Variants in ASTN1 observed in about 807,000 individuals in gnomAD.
ASTN1 encodes astrotactin 1.
ASTN1 carries 41 observed loss-of-function variants against 140.7 expected under a neutral mutation model. The observed-to-expected ratio is 0.29, with a 90% confidence interval of 0.23 to 0.38. The LOEUF is 0.38. Ranked by LOEUF, ASTN1 falls within the 10% of genes least tolerant of loss-of-function variation. The pLI, the probability that ASTN1 is intolerant of heterozygous loss-of-function variation, is 1.00. For synonymous variants in ASTN1, 640 were observed against 652.2 expected, an observed-to-expected ratio of 0.98 and a Z score of 0.29; for missense variants, 1,479 against 1,678.8, an observed-to-expected ratio of 0.88 and a Z score of 2.08.
intron 15 of ASTN1, among the ~76,000 whole-genome samples, chr1:176,935,532 A>G (rs1305304633): frequency 6.6e-6 from 1 of 152,150 alleles, no homozygotes; most frequent in Non-Finnish European, 1.5e-5. Flanking sequence ...AAAATGTGCT[A>G]TATCCTCAAT....
At chr1:176,858,374 A>G (rs186403503), downstream of ASTN1, among the ~76,000 whole-genome samples, 176 of 152,346 alleles carry the variant, frequency 1.2e-3, 1 homozygote, top group African/African-American at 3.9e-3. Context: ...ACAATAAAAT[A>G]GGAGTTGCTG....
chr1:176,863,594 C>T lies in ASTN1; in HGVS notation c.*690G>A. The T allele has an allele frequency of 8.1e-6, 8 of 985,494 alleles. No individual in the cohort carries two copies. The South Asian group carries it at 3.3e-4, about 41-fold the overall frequency. The allele number at this position is 985,494 out of a possible 1,614,324, so 61.0% of individuals were successfully genotyped here. A position where few individuals can be genotyped will look rare whatever the true frequency, so the allele number is the denominator to read the frequency against. ...GTTGTTCAGAGGAAGGGACAGAGAT[C>T]TGACAGAGGGAGATTTAATCCCAGT... On this transcript the variant is annotated 3_prime_UTR_variant, in exon 23 of 23. Transcript: ENST00000361833.
At chr1:177,105,442 T>C (rs1187023485) in intron 1 of ASTN1, among the ~76,000 whole-genome samples, 1 of 152,104 alleles carries the variant, frequency 6.6e-6, no homozygotes, top group African/African-American at 2.4e-5. Flanking sequence ...TAAAGAATCA[T>C]GGCCCACTGT....
chr1:177,041,487 C>A lies in ASTN1; in HGVS notation c.472-8638G>T, dbSNP rs919923046. Among the ~76,000 whole-genome samples the A allele has an allele frequency of 7.2e-4, 109 of 152,330 alleles. 1 individual carries two copies. The highest frequency in any genetic ancestry group is 7.3e-5 in the Non-Finnish European group (5 of 68,032). On this transcript the variant is annotated intron_variant, in intron 2 of 22. Coordinates refer to ENST00000361833, the MANE Select transcript of ASTN1 (RefSeq NM_004319.3). Reference sequence around the variant, plus strand: ...CATGGGCAGAGCTGCATGAGACAGGCTCCCTCCATGGGCTGTGGGCACCAG... The same window carrying A: ...CATGGGCAGAGCTGCATGAGACAGGATCCCTCCATGGGCTGTGGGCACCAG...
intron 2 of ASTN1, among the ~76,000 whole-genome samples, chr1:177,040,268 G>T (rs1676911243): frequency 6.6e-6 from 1 of 152,204 alleles, no homozygotes; most frequent in African/African-American, 2.4e-5. Flanking sequence ...GTGTGGAAAG[G>T]CTTTCCAGTT....
At chr1:177,042,890 GT>G (rs1336090673) in intron 2 of ASTN1, among the ~76,000 whole-genome samples, 1 of 152,180 alleles carries the variant, frequency 6.6e-6, no homozygotes, top group Non-Finnish European at 1.5e-5. Flanking sequence ...AACTCTCAAG[GT>G]TATGCAAGTG....
At chr1:177,076,620 C>T (rs557943399) in intron 1 of ASTN1, among the ~76,000 whole-genome samples, 1 of 151,844 alleles carries the variant, frequency 6.6e-6, no homozygotes, top group Admixed American at 6.6e-5. Context: ...CTCCCAGGTT[C>T]CAGTGATTCT....
chr1:177,011,785 AG>A (rs1220534794), intron 8 of ASTN1, among the ~76,000 whole-genome samples: 1 of 152,036 alleles, frequency 6.6e-6, no homozygotes, highest in African/African-American at 2.4e-5. Flanking sequence ...AACTAGAAGG[AG>A]GCAGAGGCTG....
chr1:177,059,715 A>G (rs892776044), intron 2 of ASTN1, among the ~76,000 whole-genome samples: 3 of 152,206 alleles, frequency 2.0e-5, no homozygotes, highest in African/African-American at 7.2e-5. Context: ...GAGATTTTCC[A>G]TCTTTGGATA....
At chr1:177,073,093 A>G (rs1171520139) in intron 1 of ASTN1, among the ~76,000 whole-genome samples, 2 of 152,184 alleles carry the variant, frequency 1.3e-5, no homozygotes, top group Non-Finnish European at 2.9e-5. Flanking sequence ...AAATCAGGAC[A>G]CAAAGACAGA....
chr1:176,946,373 T>C (rs556265826), intron 12 of ASTN1, among the ~76,000 whole-genome samples: 1 of 152,130 alleles, frequency 6.6e-6, no homozygotes, highest in African/African-American at 2.4e-5. Context: ...AACTTTAGAG[T>C]AGCCTCTCCT....
intron 9 of ASTN1, among the ~76,000 whole-genome samples, chr1:176,960,150 A>G (rs1183658646): frequency 6.6e-6 from 1 of 152,176 alleles, no homozygotes; most frequent in African/African-American, 2.4e-5. Context: ...ACTTAAGGAT[A>G]ATGTAGGTTG....
chr1:177,061,151 C>G lies in ASTN1; in HGVS notation c.398G>C (p.Gly133Ala), dbSNP rs1558066705. Residue 133 changes from glycine (G) to alanine (A), a missense_variant, in exon 2 of 23, where the codon GGA becomes GCA. Physicochemically the swap from Gly to Ala is moderately conservative, Grantham distance 60. Coordinates refer to ENST00000361833, the MANE Select transcript of ASTN1 (RefSeq NM_004319.3). ...TTGGGGTTCTTCAGTGGGGTCTTGT[C>G]CAGGAAGGCTTGGGGCACCATCTTG... ...HHQDGAPSLP[G>A]QDPTEEPQHE... is the part of the protein sequence containing the mutation. 2 of 1,611,846 alleles carry G rather than the reference C, an allele frequency of 1.2e-6. No individual in the cohort carries two copies. The highest frequency in any genetic ancestry group is 1.7e-6 in the Non-Finnish European group (2 of 1,179,086).
intron 8 of ASTN1, among the ~76,000 whole-genome samples, chr1:177,002,791 G>A (rs772220062): frequency 6.6e-6 from 1 of 151,862 alleles, no homozygotes; most frequent in African/African-American, 2.4e-5. Flanking sequence ...AGAAATTGTA[G>A]GTGAAATAAA....
intron 9 of ASTN1, among the ~76,000 whole-genome samples, chr1:176,963,000 T>C (rs1011884277): frequency 6.6e-6 from 1 of 152,160 alleles, no homozygotes; most frequent in African/African-American, 2.4e-5. Flanking sequence ...ACTGGTAGCA[T>C]TTATATTACG....
chr1:177,121,442 C>T (rs1429387692), intron 1 of ASTN1, among the ~76,000 whole-genome samples: 2 of 152,038 alleles, frequency 1.3e-5, no homozygotes, highest in Admixed American at 1.3e-4. Context: ...ACTATCAGTT[C>T]TGCTCCTTGA....
At position 176,921,285 on chromosome 1, in the gene ASTN1, A is replaced by G. The variant is rs560667906; in HGVS notation, c.2671+12867T>C. ...ACTTTCAAAGAGTTCCATGAGATTC[A>G]GGGAAACCTTGTCTCTGACAACAGA... On this transcript the variant is annotated intron_variant, in intron 16 of 22. Coordinates refer to ENST00000361833, the MANE Select transcript of ASTN1 (RefSeq NM_004319.3). Among the ~76,000 whole-genome samples, 7 of 152,328 alleles carry G rather than the reference A, an allele frequency of 4.6e-5. No individual in the cohort carries two copies. The South Asian group carries it at 6.2e-4, about 14-fold the overall frequency.
intron 1 of ASTN1, among the ~76,000 whole-genome samples, chr1:177,074,883 T>C (rs538499793): frequency 1.1e-4 from 16 of 152,300 alleles, no homozygotes; most frequent in Admixed American, 7.2e-4. Flanking sequence ...TGAAAATAAT[T>C]ATTTCATCAT....
chr1:176,904,623 T>C (rs959471294), intron 16 of ASTN1, among the ~76,000 whole-genome samples: 7 of 152,218 alleles, frequency 4.6e-5, no homozygotes, highest in Non-Finnish European at 8.8e-5. Flanking sequence ...TGCACTTGTC[T>C]GGAGATTAAG....
Sources: gnomAD v4.1 joint callset for allele counts (sites outside exome capture counted in the v4.1 genomes callset) on GRCh38, gnomAD v4.1.1 for gene constraint, MANE v1.5 for transcripts, NCBI Gene and HGNC (gene_info 2026-07-23, HGNC 2026-07-21) for gene names.